The following FER variants were observed in gnomAD, a reference collection of about 807,000 sequenced individuals.
The protein encoded by FER is tyrosine-protein kinase Fer.
FER carries 63 observed loss-of-function variants against 111.0 expected under a neutral mutation model. The observed-to-expected ratio is 0.57, with a 90% CI of 0.46 to 0.70. The LOEUF is 0.70. FER is among the 30% of genes least tolerant of loss of function. FER has a pLI of 0.00. For synonymous variants in FER, 327 were observed against 313.9 expected, an observed-to-expected ratio of 1.04 and a Z score of -0.44; for missense variants, 914 against 954.0, an observed-to-expected ratio of 0.96 and a Z score of 0.55.
Position 108,897,867 on chromosome 5 carries a change from C to A in FER, c.1236+19C>A. 6.4e-7 allele frequency: 1 copy of A among 1,569,806 alleles called. No homozygotes were observed. ...ATCTATGGTAAGCTAAAGAATAATCCAATGAGAAACTTGGAAGAGTAGTGT... is the reference window on the plus strand; with the variant it reads ...ATCTATGGTAAGCTAAAGAATAATCAAATGAGAAACTTGGAAGAGTAGTGT... On this transcript the variant is annotated intron_variant, in intron 10 of 19. Transcript: ENST00000281092.
intron 13 of FER, among the ~76,000 whole-genome samples, chr5:109,033,659 G>T (rs1050744763): frequency 6.6e-6 from 1 of 152,048 alleles, no homozygotes; most frequent in African/African-American, 2.4e-5. Context: ...TAATACCTAA[G>T]GGGGAGAGGG....
chr5:108,975,200 A>G (rs1761174104), intron 13 of FER, among the ~76,000 whole-genome samples: 1 of 152,216 alleles, frequency 6.6e-6, no homozygotes, highest in South Asian at 2.1e-4. Flanking sequence ...GGAGTTGAAC[A>G]GTGAGAACAC....
At chr5:108,882,505 A>G (rs774546046) in intron 8 of FER, among the ~76,000 whole-genome samples, 5 of 151,490 alleles carry the variant, frequency 3.3e-5, no homozygotes, top group Non-Finnish European at 7.4e-5. Context: ...GTGAACTTCC[A>G]TTGTGTTTTT....
chr5:108,829,321 A>G (rs1759795281), intron 3 of FER, among the ~76,000 whole-genome samples: 2 of 152,128 alleles, frequency 1.3e-5, no homozygotes, highest in African/African-American at 4.8e-5. Context: ...TCACATTATA[A>G]TATTACCTAA....
rs200938897 is a variant in FER, at chr5:108,946,291, AAT to A, written c.1329+80_1329+81del. Reference sequence around the variant, plus strand: ...CTAGCTTCTTTCTGATGCACTAATGAATATATATATATGTGTGTGTGTGTGTA... The same window carrying A: ...CTAGCTTCTTTCTGATGCACTAATGAATATATATATGTGTGTGTGTGTGTA... On this transcript the variant is annotated intron_variant, in intron 11 of 19. Coordinates refer to ENST00000281092, the MANE Select transcript of FER (RefSeq NM_005246.4). The A allele has an allele frequency of 8.1e-4, 785 of 965,490 alleles. 3 individuals are homozygous for A. The highest frequency in any genetic ancestry group is 1.0e-3 in the Non-Finnish European group (617 of 602,824). 59.8% of individuals were successfully genotyped at this position (965,490 alleles called of 1,614,324 possible).
intron 17 of FER, among the ~76,000 whole-genome samples, chr5:109,135,881 TCTTTG>T (rs879847902): frequency 2.6e-5 from 4 of 152,110 alleles, no homozygotes; most frequent in Non-Finnish European, 5.9e-5. Context: ...CAAAAGCAAC[TCTTTG>T]TAAAGCTTTT....
intron 17 of FER, among the ~76,000 whole-genome samples, chr5:109,178,246 T>TC (rs1757916877): frequency 6.6e-6 from 1 of 152,230 alleles, no homozygotes; most frequent in Non-Finnish European, 1.5e-5. Flanking sequence ...TTCCACTCAC[T>TC]TGAACTTAAT....
At chr5:108,776,275 G>A (rs542073852) in intron 2 of FER, among the ~76,000 whole-genome samples, 2 of 152,074 alleles carry the variant, frequency 1.3e-5, no homozygotes, top group East Asian at 3.9e-4. Context: ...ATAAATTAGT[G>A]TACTTTCAGT....
At chr5:108,941,275 C>T (rs1044994498) in intron 10 of FER, among the ~76,000 whole-genome samples, 3 of 152,132 alleles carry the variant, frequency 2.0e-5, no homozygotes, top group Non-Finnish European at 2.9e-5. Context: ...TCCAACTCTC[C>T]AGCAGCCTGT....
intron 3 of FER, chr5:108,820,391 A>G (rs1035768890): frequency 1.0e-6 from 1 of 985,318 alleles, no homozygotes; most frequent in Non-Finnish European, 1.2e-6. Flanking sequence ...CTGAAGAATA[A>G]AGGTGACTAT....
At chr5:108,930,904 G>A (rs867437505) in intron 10 of FER, among the ~76,000 whole-genome samples, 52 of 151,870 alleles carry the variant, frequency 3.4e-4, no homozygotes, top group African/African-American at 1.2e-3. Flanking sequence ...GTGAGCCAAC[G>A]CCCCTGGCCC....
At chr5:108,995,969 G>C (rs1008537177) in intron 13 of FER, among the ~76,000 whole-genome samples, 3 of 152,318 alleles carry the variant, frequency 2.0e-5, no homozygotes, top group Non-Finnish European at 2.9e-5. Context: ...TAACTGGTGT[G>C]AGATGGTATC....
intron 10 of FER, among the ~76,000 whole-genome samples, chr5:108,914,292 T>C (rs1561606880): frequency 6.6e-6 from 1 of 152,018 alleles, no homozygotes; most frequent in Non-Finnish European, 1.5e-5. Flanking sequence ...GAGCTTTCTA[T>C]GGCTATCTTT....
chr5:108,845,276 A>C (rs755510308), intron 5 of FER, among the ~76,000 whole-genome samples: 34 of 150,654 alleles, frequency 2.3e-4, no homozygotes, highest in Non-Finnish European at 4.1e-4. Flanking sequence ...GGTTCAGGCG[A>C]TTCTCCTGGC....
intron 13 of FER, among the ~76,000 whole-genome samples, chr5:109,025,812 TGA>T (rs1768645861): frequency 6.6e-6 from 1 of 152,112 alleles, no homozygotes; most frequent in Non-Finnish European, 1.5e-5. Flanking sequence ...CCTAATTTAT[TGA>T]GAGTTTTTAG....
chr5:108,968,105 G>A (rs1760137925), intron 13 of FER, among the ~76,000 whole-genome samples: 1 of 152,120 alleles, frequency 6.6e-6, no homozygotes, highest in Non-Finnish European at 1.5e-5. Flanking sequence ...CCTGCTAAAA[G>A]TGGCCGGGCA....
intron 3 of FER, among the ~76,000 whole-genome samples, chr5:108,815,542 G>C (rs922556056): frequency 5.9e-5 from 9 of 151,952 alleles, no homozygotes; most frequent in African/African-American, 2.2e-4. Context: ...TGTATTGTTA[G>C]GACCTGTTTT....
intron 5 of FER, among the ~76,000 whole-genome samples, chr5:108,854,553 G>C (rs73780599): frequency 0.021 from 3,223 of 152,274 alleles, 109 homozygotes; most frequent in African/African-American, 0.074. Context: ...TGCAATGCAT[G>C]TATTGTTTTG....
intron 2 of FER, among the ~76,000 whole-genome samples, chr5:108,790,912 G>A (rs540338043): frequency 6.6e-6 from 1 of 152,218 alleles, no homozygotes; most frequent in East Asian, 1.9e-4. Flanking sequence ...GTGATCTTTT[G>A]TGTCTGGTTT....
Sources: allele counts gnomAD v4.1 joint callset (sites outside exome capture counted in the v4.1 genomes callset), GRCh38; gene constraint gnomAD v4.1.1; transcripts MANE v1.5; gene names NCBI Gene and HGNC (gene_info 2026-07-23, HGNC 2026-07-21).